Variants in KYNU observed in about 807,000 individuals in gnomAD.
KYNU encodes the protein L-kynurenine hydrolase.
Under a neutral mutation model 59.2 loss-of-function variants are expected in KYNU, and 54 were observed. The ratio of observed to expected loss-of-function variants is 0.91; its 90% CI spans 0.73 to 1.14. The LOEUF is 1.14. Among genes scored for constraint, KYNU ranks in the 50% most tolerant of loss-of-function variants. The pLI, the probability that KYNU is intolerant of heterozygous loss-of-function variation, is 0.00. For synonymous variants in KYNU, 177 were observed against 192.0 expected, an observed-to-expected ratio of 0.92 and a Z score of 0.65; for missense variants, 567 against 554.4, an observed-to-expected ratio of 1.02 and a Z score of -0.23.
intron 11 of KYNU, among the ~76,000 whole-genome samples, chr2:143,031,289 G>A (rs894005460): frequency 6.6e-6 from 1 of 152,098 alleles, no homozygotes; most frequent in Non-Finnish European, 1.5e-5. Flanking sequence ...CTTTTTCTGT[G>A]AAAGGCCAGA....
At chr2:143,017,434 CTTTTTTTTTTTT>C (rs1184177776) in intron 10 of KYNU, among the ~76,000 whole-genome samples, 5 of 68,450 alleles carry the variant, frequency 7.3e-5, no homozygotes, top group Admixed American at 2.2e-4. Flanking sequence ...TCTCTTTTTT[CTTTTTTTTTTTT>C]TTTTTTTTTT....
chr2:142,895,621 T>C lies in KYNU; in HGVS notation c.169+10085T>C, dbSNP rs551554750. Among the ~76,000 whole-genome samples the C allele has an allele frequency of 2.6e-5, 4 of 152,320 alleles. No individual in the cohort carries two copies. The East Asian group carries it at 7.7e-4, about 29-fold the overall frequency. On this transcript the variant is annotated intron_variant, in intron 2 of 13. Transcript: ENST00000264170. ...ATTTTGTGTGAGTGTAAATTTTTTA[T>C]CTAAATTTTTTTTTTAAGATCAGAT... is the stretch of plus-strand genomic sequence containing the variant.
intron 8 of KYNU, among the ~76,000 whole-genome samples, chr2:142,961,459 T>G (rs1314380377): frequency 6.6e-6 from 1 of 152,066 alleles, no homozygotes; most frequent in Non-Finnish European, 1.5e-5. Flanking sequence ...CTAGGTCTAT[T>G]AAAAATTCAA....
At chr2:143,001,488 C>T (rs1008378314) in intron 10 of KYNU, among the ~76,000 whole-genome samples, 2 of 152,158 alleles carry the variant, frequency 1.3e-5, no homozygotes, top group Non-Finnish European at 2.9e-5. Context: ...CCCTTAGTAA[C>T]AAGTATCAAC....
rs553763126 is a variant in KYNU at position 142,892,849 on chromosome 2, G to A, written c.169+7313G>A. 2.9e-3 allele frequency among the ~76,000 whole-genome samples: 439 copies of A among 152,178 alleles called. 5 individuals are homozygous for A. The highest frequency in any genetic ancestry group is 5.1e-3 in the Non-Finnish European group (346 of 68,002). On this transcript the variant is annotated intron_variant, in intron 2 of 13. Coordinates refer to ENST00000264170, the MANE Select transcript of KYNU (RefSeq NM_003937.3). Reference sequence around the variant, plus strand: ...CCTGTCACCTGTGGCCTTGACCTCCGAGTCCAAGTGGCAGCTGTTACAAGC... The same window carrying A: ...CCTGTCACCTGTGGCCTTGACCTCCAAGTCCAAGTGGCAGCTGTTACAAGC...
At position 143,045,176 on chromosome 2, in the gene KYNU, T is replaced by A. The variant is rs1484384653; in HGVS notation, c.*3004T>A. 6.6e-6 allele frequency: 1 copy of A among 152,178 alleles called. No homozygotes were observed. The highest frequency in any genetic ancestry group is 1.5e-5 in the Non-Finnish European group (1 of 68,036). 9.4% of individuals were successfully genotyped at this position (152,178 alleles called of 1,614,324 possible). ...GGTGTTATTTCTGAGGCCTCTGTTT[T>A]GTTCCATTGGTCTATATGTCTGTTT... On this transcript the variant is annotated 3_prime_UTR_variant, in exon 14 of 14. Transcript: ENST00000264170.
rs907281379 is a variant in KYNU at position 142,986,018 on chromosome 2, C to T, written c.899C>T (p.Pro300Leu). The T allele has an allele frequency of 1.2e-6, 2 of 1,605,590 alleles. No individual in the cohort carries two copies. The highest frequency in any genetic ancestry group is 1.7e-6 in the Non-Finnish European group (2 of 1,173,196). The change falls in exon 10 of 14, where the codon CCT (proline) becomes CTT (leucine). Residue 300 changes from proline to leucine, a missense_variant. Transcript: ENST00000264170. ...IHEKHAHTIKPALVGWFGHEL... is the reference protein window; with the variant it reads ...IHEKHAHTIKLALVGWFGHEL... ...GAAAAGCATGCCCATACGATTAAACCTGCGTGAGTACCATCTTCAGCTAAT... is the reference window on the plus strand; with the variant it reads ...GAAAAGCATGCCCATACGATTAAACTTGCGTGAGTACCATCTTCAGCTAAT...
At chr2:142,917,794 GT>G (rs1315620844) in intron 2 of KYNU, among the ~76,000 whole-genome samples, 1 of 152,216 alleles carries the variant, frequency 6.6e-6, no homozygotes, top group Non-Finnish European at 1.5e-5. Flanking sequence ...GAAATAGATG[GT>G]ATGTCTTTAA....
chr2:143,025,650 T>C (rs1686531235), intron 10 of KYNU, among the ~76,000 whole-genome samples: 1 of 152,072 alleles, frequency 6.6e-6, no homozygotes. Context: ...AAACTGGAAC[T>C]TCAGTAGATA....
At chr2:142,978,388 T>C (rs562597505) in intron 8 of KYNU, among the ~76,000 whole-genome samples, 19 of 152,344 alleles carry the variant, frequency 1.2e-4, no homozygotes, top group African/African-American at 4.6e-4. Context: ...CAAGAAATGA[T>C]ATTCAGAACA....
At chr2:142,905,982 TTC>T (rs1682280275) in intron 2 of KYNU, among the ~76,000 whole-genome samples, 1 of 151,790 alleles carries the variant, frequency 6.6e-6, no homozygotes, top group Admixed American at 6.6e-5. Flanking sequence ...TTCTATTTCT[TTC>T]TCTCTCTCTC....
At chr2:142,901,703 T>C (rs1166315828) in intron 2 of KYNU, among the ~76,000 whole-genome samples, 1 of 152,194 alleles carries the variant, frequency 6.6e-6, no homozygotes, top group East Asian at 1.9e-4. Flanking sequence ...TTCCCTTTTT[T>C]TAATTCTAGT....
chr2:142,983,374 G>T (rs1027986121), intron 8 of KYNU, among the ~76,000 whole-genome samples: 3 of 152,030 alleles, frequency 2.0e-5, no homozygotes, highest in African/African-American at 2.4e-5. Context: ...CATTCTGTTG[G>T]TCTAAACAAG....
At chr2:142,985,893 T>G in intron 9 of KYNU, 55 bp from the exon 10 acceptor site, 1 of 1,164,756 alleles carries the variant, frequency 8.6e-7, no homozygotes, top group Non-Finnish European at 1.3e-6. Flanking sequence ...CTACATTGTT[T>G]AGTTTTGTCA....
chr2:142,904,514 AG>A (rs1188072921), intron 2 of KYNU, among the ~76,000 whole-genome samples: 1 of 152,222 alleles, frequency 6.6e-6, no homozygotes, highest in Non-Finnish European at 1.5e-5. Flanking sequence ...CTGATCTAGC[AG>A]TAACATTATA....
chr2:142,946,369 C>A (rs1307910164), intron 4 of KYNU, among the ~76,000 whole-genome samples: 1 of 152,182 alleles, frequency 6.6e-6, no homozygotes, highest in Non-Finnish European at 1.5e-5. Flanking sequence ...CCCTGCCCGG[C>A]TGCCAAATTT....
chr2:143,041,805 A>G (rs1687066226), intron 13 of KYNU, among the ~76,000 whole-genome samples: 1 of 151,952 alleles, frequency 6.6e-6, no homozygotes, highest in Non-Finnish European at 1.5e-5. Context: ...TAGTTGCTGA[A>G]TAGATTTCAG....
Position 143,050,777 on chromosome 2 carries a change from A to G in KYNU, c.*8605A>G, listed in dbSNP as rs567138299. On this transcript the variant is annotated 3_prime_UTR_variant, in exon 14 of 14. Transcript: ENST00000264170. ...TACTTATTCTTGAGTTCAAAACTAT[A>G]TGGGTTCACATTTAAATTATATAGT... 5 of 152,316 alleles carry G rather than the reference A, an allele frequency of 3.3e-5. No homozygotes were observed. In the South Asian group the frequency reaches 1.0e-3, roughly 32 times the overall value. 9.4% of individuals were successfully genotyped at this position (152,316 alleles called of 1,614,324 possible). A position where few individuals can be genotyped will look rare whatever the true frequency, so the allele number is the denominator to read the frequency against.
intron 10 of KYNU, among the ~76,000 whole-genome samples, chr2:142,995,184 C>T (rs1019156210): frequency 2.0e-5 from 3 of 152,020 alleles, no homozygotes; most frequent in East Asian, 1.9e-4. Flanking sequence ...CTAATAGTCT[C>T]ATGCCAAAAA....
Sources: gnomAD v4.1 joint callset for allele counts (sites outside exome capture counted in the v4.1 genomes callset) on GRCh38, gnomAD v4.1.1 for gene constraint, MANE v1.5 for transcripts, NCBI Gene and HGNC (gene_info 2026-07-23, HGNC 2026-07-21) for gene names.